KATNIP: variants seen among roughly 807,000 people sequenced by gnomAD.
The protein encoded by KATNIP is katanin interacting protein.
Under a neutral mutation model 174.0 loss-of-function variants are expected in KATNIP, and 126 were observed. The ratio of observed to expected loss-of-function variants is 0.72; its 90% CI spans 0.63 to 0.84. The LOEUF is 0.84. Ranked by LOEUF, KATNIP falls within the 40% of genes least tolerant of loss-of-function variation. KATNIP has a pLI of 0.00. For missense variants in KATNIP, 1,958 were observed against 2,109.7 expected, an observed-to-expected ratio of 0.93 and a Z score of 1.41; for synonymous variants, 810 against 835.7, an observed-to-expected ratio of 0.97 and a Z score of 0.53.
At chr16:27,653,881 G>A (rs2077189336) in intron 6 of KATNIP, among the ~76,000 whole-genome samples, 1 of 152,038 alleles carries the variant, frequency 6.6e-6, no homozygotes, top group Non-Finnish European at 1.5e-5. Context: ...TGTTGCCCTG[G>A]CTGGTCTTGA....
At position 27,754,095 on chromosome 16, in the gene KATNIP, A is replaced by G. The variant is rs1023575864; in HGVS notation, c.3553-78A>G. On this transcript the variant is annotated intron_variant, in intron 17 of 27. Coordinates refer to ENST00000261588, the MANE Select transcript of KATNIP (RefSeq NM_015202.5). ...GCATAGGGTGGGCAGTGGTAAATGC[A>G]GAAACAGCCAGCCAGCTAGCTGTGT... 4.9e-6 allele frequency: 6 copies of G among 1,220,148 alleles called. No homozygotes were observed. In the African/African-American group the frequency reaches 9.0e-5, roughly 18 times the overall value. The allele number at this position is 1,220,148 out of a possible 1,614,324, so 75.6% of individuals were successfully genotyped here.
chr16:27,621,694 G>A (rs562523979), intron 3 of KATNIP, among the ~76,000 whole-genome samples: 10 of 151,610 alleles, frequency 6.6e-5, no homozygotes, highest in Admixed American at 5.3e-4. Flanking sequence ...CATCTGCTTG[G>A]CTTCTGGGGA....
intron 15 of KATNIP, among the ~76,000 whole-genome samples, chr16:27,744,139 C>T (rs113134821): frequency 3.2e-4 from 48 of 152,252 alleles, no homozygotes; most frequent in African/African-American, 5.5e-4. Flanking sequence ...CATGCCCTTC[C>T]GGAAAGGTAC....
chr16:27,713,727 A>AT lies in KATNIP; in HGVS notation c.1605+4809dup, dbSNP rs58721604. 8.6e-5 allele frequency among the ~76,000 whole-genome samples: 9 copies of AT among 105,152 alleles called. 1 individual carries two copies. The South Asian group carries it at 2.2e-3, about 26-fold the overall frequency. The allele number at this position is 105,152 out of a possible 152,430, so 69.0% of individuals were successfully genotyped here. ...ATACATATTATATATATGTGTGTGTATTATATACACATACATATTATATAT... is the reference window on the plus strand; with the variant it reads ...ATACATATTATATATATGTGTGTGTATTTATATACACATACATATTATATAT... On this transcript the variant is annotated intron_variant, in intron 13 of 27. Coordinates refer to ENST00000261588, the MANE Select transcript of KATNIP (RefSeq NM_015202.5).
At chr16:27,771,185 G>A (rs1367713801) in intron 21 of KATNIP, among the ~76,000 whole-genome samples, 1 of 152,166 alleles carries the variant, frequency 6.6e-6, no homozygotes, top group Non-Finnish European at 1.5e-5. Flanking sequence ...AAGAAAGGGG[G>A]CAGTGGTACC....
chr16:27,728,903 C>T (rs2080553488), intron 14 of KATNIP, among the ~76,000 whole-genome samples: 1 of 152,338 alleles, frequency 6.6e-6, no homozygotes, highest in Non-Finnish European at 1.5e-5. Flanking sequence ...GAGGCCTGGG[C>T]AGGGGAGGGC....
At chr16:27,583,655 C>G (rs1479447550) in intron 2 of KATNIP, among the ~76,000 whole-genome samples, 1 of 152,184 alleles carries the variant, frequency 6.6e-6, no homozygotes, top group Non-Finnish European at 1.5e-5. Context: ...CTCTGTGGTC[C>G]CCCAAGTCTG....
At chr16:27,769,711 C>G in intron 20 of KATNIP, 150 bp from the exon 21 acceptor site, 1 of 882,628 alleles carries the variant, frequency 1.1e-6, no homozygotes, top group Non-Finnish European at 1.8e-6. Context: ...CCACACAGCA[C>G]CTGATATGGG....
rs201075014 is a variant in KATNIP at position 27,749,552 on chromosome 16, G to A, written c.2624-32G>A. On this transcript the variant is annotated intron_variant, in intron 15 of 27. Transcript: ENST00000261588. ...CCCACTTCCACACATGCCACTCACA[G>A]GGCTTCCCCCCTCTTGTGTCCTTTC... is the stretch of plus-strand genomic sequence containing the variant. 1,122 of 1,515,518 alleles carry A rather than the reference G, an allele frequency of 7.4e-4. 7 individuals are homozygous for A. Among genetic ancestry groups the A allele is most frequent in the Non-Finnish European group, 8.0e-4 (911 of 1,133,548 alleles). 93.9% of individuals were successfully genotyped at this position (1,515,518 alleles called of 1,614,324 possible). A position where few individuals can be genotyped will look rare whatever the true frequency, so the allele number is the denominator to read the frequency against.
chr16:27,687,671 A>C (rs2078572446), intron 8 of KATNIP: 1 of 152,230 alleles, frequency 6.6e-6, no homozygotes, highest in African/African-American at 2.4e-5. Context: ...TTGAGGGTGA[A>C]AGAACATTAG....
intron 6 of KATNIP, among the ~76,000 whole-genome samples, chr16:27,665,762 G>A (rs899281675): frequency 4.6e-5 from 7 of 151,536 alleles, no homozygotes; most frequent in African/African-American, 1.7e-4. Context: ...CACCACGCCC[G>A]GCTAATTTTT....
chr16:27,771,894 G>A (rs1274988821), intron 22 of KATNIP, among the ~76,000 whole-genome samples: 1 of 152,190 alleles, frequency 6.6e-6, no homozygotes, highest in African/African-American at 2.4e-5. Context: ...CTCCAGCTGG[G>A]AGGGGCTAGA....
At chr16:27,738,566 A>G (rs964742255) in intron 14 of KATNIP, among the ~76,000 whole-genome samples, 6 of 152,194 alleles carry the variant, frequency 3.9e-5, no homozygotes, top group South Asian at 2.1e-4. Context: ...ACATAGGGGC[A>G]TTTAGGCTGG....
intron 2 of KATNIP, among the ~76,000 whole-genome samples, chr16:27,610,715 G>A (rs1056094265): frequency 1.3e-5 from 2 of 152,096 alleles, no homozygotes; most frequent in Middle Eastern, 3.2e-3. Flanking sequence ...AGCTGTGAAA[G>A]GAAAATAAAT....
intron 2 of KATNIP, among the ~76,000 whole-genome samples, chr16:27,610,369 G>A (rs1190843808): frequency 6.6e-6 from 1 of 152,150 alleles, no homozygotes; most frequent in African/African-American, 2.4e-5. Flanking sequence ...GGGCTTTGAA[G>A]ATGACTCCAA....
chr16:27,610,251 G>T (rs1228428142), intron 2 of KATNIP, among the ~76,000 whole-genome samples: 1 of 152,092 alleles, frequency 6.6e-6, no homozygotes, highest in African/African-American at 2.4e-5. Context: ...TCCAGTCTGG[G>T]CCCAGACCAG....
intron 2 of KATNIP, among the ~76,000 whole-genome samples, chr16:27,587,889 T>C (rs2090958613): frequency 6.6e-6 from 1 of 151,742 alleles, no homozygotes; most frequent in African/African-American, 2.4e-5. Context: ...TTCTTTTCCC[T>C]TTTCCCTTTC....
chr16:27,649,301 A>G (rs554016085), intron 6 of KATNIP, among the ~76,000 whole-genome samples: 1 of 152,334 alleles, frequency 6.6e-6, no homozygotes, highest in African/African-American at 2.4e-5. Flanking sequence ...TACAGGGTTG[A>G]CAACAGGACA....
intron 15 of KATNIP, among the ~76,000 whole-genome samples, chr16:27,747,026 C>G (rs141380197): frequency 6.6e-6 from 1 of 152,176 alleles, no homozygotes; most frequent in African/African-American, 2.4e-5. Flanking sequence ...AGGGAAGAGA[C>G]GGCAGAACTT....
Sources: gnomAD v4.1 joint callset for allele counts (sites outside exome capture counted in the v4.1 genomes callset) on GRCh38, gnomAD v4.1.1 for gene constraint, MANE v1.5 for transcripts, NCBI Gene and HGNC (gene_info 2026-07-23, HGNC 2026-07-21) for gene names.